The following EYS variants were observed in gnomAD, a reference collection of about 807,000 sequenced individuals.
The protein encoded by EYS is protein eyes shut homolog.
A neutral mutation model predicts 282.1 loss-of-function variants in EYS; 250 were observed. The ratio of observed to expected loss-of-function variants is 0.89; its 90% CI spans 0.80 to 0.98. EYS has a LOEUF of 0.98. Among genes scored for constraint, EYS ranks in the 50% least tolerant of loss-of-function variants. The pLI, the probability that EYS is intolerant of heterozygous loss-of-function variation, is 0.00. For synonymous variants in EYS, 1,355 were observed against 1,282.9 expected (o/e 1.06, Z -1.20); for missense variants, 4,016 against 3,709.0 (o/e 1.08, Z -2.15).
At chr6:65,427,526 T>C (rs930143473) in intron 5 of EYS, among the ~76,000 whole-genome samples, 4 of 152,058 alleles carry the variant, frequency 2.6e-5, no homozygotes, top group Admixed American at 2.0e-4. Flanking sequence ...ACACATATTT[T>C]AAAAATAAAT....
intron 31 of EYS, among the ~76,000 whole-genome samples, chr6:64,097,446 T>A (rs113100843): frequency 0.042 from 6,396 of 152,214 alleles, 398 homozygotes; most frequent in African/African-American, 0.14. Flanking sequence ...TCAAGCCTCA[T>A]CAGTTGCGGA....
chr6:63,830,495 T>G (rs1291539836), intron 36 of EYS, among the ~76,000 whole-genome samples: 1 of 151,964 alleles, frequency 6.6e-6, no homozygotes, highest in African/African-American at 2.4e-5. Flanking sequence ...ATGAATGAAA[T>G]GAAGCAAGAA....
chr6:65,585,012 C>T (rs1320960871), intron 2 of EYS, among the ~76,000 whole-genome samples: 2 of 151,506 alleles, frequency 1.3e-5, no homozygotes, highest in Non-Finnish European at 3.0e-5. Context: ...TCTGTTCATG[C>T]TTCTGCAGGA....
intron 12 of EYS, among the ~76,000 whole-genome samples, chr6:65,269,978 TAAC>T (rs953714275): frequency 1.6e-4 from 25 of 152,076 alleles, no homozygotes; most frequent in Admixed American, 5.9e-4. Flanking sequence ...ATATTCAACT[TAAC>T]AGCCCCAAAA....
intron 2 of EYS, among the ~76,000 whole-genome samples, chr6:65,617,057 G>T (rs1766226646): frequency 6.6e-6 from 1 of 152,104 alleles, no homozygotes; most frequent in Non-Finnish European, 1.5e-5. Flanking sequence ...GATTTTTATG[G>T]AAAGGGAGAA....
intron 37 of EYS, among the ~76,000 whole-genome samples, chr6:63,805,137 G>C (rs1214630603): frequency 6.6e-6 from 1 of 152,192 alleles, no homozygotes; most frequent in African/African-American, 2.4e-5. Context: ...ACAGCTGAGA[G>C]AAAGGTCTTT....
intron 2 of EYS, among the ~76,000 whole-genome samples, chr6:65,618,339 C>G (rs957531082): frequency 2.0e-5 from 3 of 152,236 alleles, no homozygotes; most frequent in African/African-American, 4.8e-5. Context: ...TTTTCGGCTG[C>G]ATGAATGTCT....
rs933702470 is a variant in EYS, at chr6:64,884,430, A to T, written c.2992+2267T>A. Among the ~76,000 whole-genome samples the T allele has an allele frequency of 3.3e-5, 5 of 151,592 alleles. No individual in the cohort carries two copies. The Admixed American group carries it at 3.3e-4, about 10-fold the overall frequency. ...CCAGATGTATGATCTTGAAAAATATACAAAAGTATAACATCCTTGTGTTTT... is the reference window on the plus strand; with the variant it reads ...CCAGATGTATGATCTTGAAAAATATTCAAAAGTATAACATCCTTGTGTTTT... On this transcript the variant is annotated intron_variant, in intron 19 of 42. Transcript: ENST00000503581.
At chr6:64,627,283 T>C (rs544835233) in intron 22 of EYS, among the ~76,000 whole-genome samples, 206 of 152,296 alleles carry the variant, frequency 1.4e-3, no homozygotes, top group African/African-American at 4.8e-3. Context: ...ATAATCAGCA[T>C]ATAGATAAAT....
At chr6:64,967,638 C>A (rs1022725168) in intron 14 of EYS, among the ~76,000 whole-genome samples, 6 of 152,046 alleles carry the variant, frequency 3.9e-5, no homozygotes, top group African/African-American at 1.4e-4. Flanking sequence ...TTCTTATCAC[C>A]CACATCATTC....
intron 22 of EYS, among the ~76,000 whole-genome samples, chr6:64,759,882 C>T (rs907855276): frequency 7.2e-5 from 11 of 152,028 alleles, no homozygotes; most frequent in African/African-American, 1.4e-4. Flanking sequence ...ATGGATAACA[C>T]CTGTATGTAT....
intron 33 of EYS, among the ~76,000 whole-genome samples, chr6:64,022,532 C>G (rs2149820612): frequency 6.6e-6 from 1 of 152,272 alleles, no homozygotes; most frequent in Non-Finnish European, 1.5e-5. Context: ...CAAAAAGAAA[C>G]TAATCTGTGA....
chr6:64,479,473 G>T (rs1277786310), intron 26 of EYS, among the ~76,000 whole-genome samples: 1 of 151,840 alleles, frequency 6.6e-6, no homozygotes, highest in Non-Finnish European at 1.5e-5. Context: ...ATCTCTTACT[G>T]TAAATGCCAA....
intron 22 of EYS, among the ~76,000 whole-genome samples, chr6:64,753,004 G>A (rs556076139): frequency 1.3e-5 from 2 of 152,076 alleles, no homozygotes; most frequent in African/African-American, 4.8e-5. Context: ...GCTAAACAAG[G>A]CTTAATACAT....
At chr6:65,479,577 C>A (rs1479624886) in intron 5 of EYS, among the ~76,000 whole-genome samples, 1 of 152,104 alleles carries the variant, frequency 6.6e-6, no homozygotes, top group African/African-American at 2.4e-5. Flanking sequence ...TCAAGCAAAT[C>A]TATGGGTAAA....
At chr6:65,113,136 C>T (rs991400153) in intron 12 of EYS, among the ~76,000 whole-genome samples, 1 of 151,962 alleles carries the variant, frequency 6.6e-6, no homozygotes, top group African/African-American at 2.4e-5. Context: ...ACATGAGGCA[C>T]TAAGTGTTAT....
rs115028465 is a variant in EYS at position 64,119,054 on chromosome 6, A to T, written c.6425-37052T>A. On this transcript the variant is annotated intron_variant, in intron 31 of 42. Coordinates refer to ENST00000503581, the MANE Select transcript of EYS (RefSeq NM_001142800.2). ...AAAAGATAAAAAATAAATACTGGTAATTATATCATGTGCATTCTGTAAATT... is the reference window on the plus strand; with the variant it reads ...AAAAGATAAAAAATAAATACTGGTATTTATATCATGTGCATTCTGTAAATT... 2.9e-3 allele frequency among the ~76,000 whole-genome samples: 438 copies of T among 152,224 alleles called. 3 individuals carry two copies. The highest frequency in any genetic ancestry group is 0.01 in the African/African-American group (419 of 41,564).
At chr6:64,098,669 C>T (rs963281913) in intron 31 of EYS, among the ~76,000 whole-genome samples, 1 of 150,272 alleles carries the variant, frequency 6.7e-6, no homozygotes, top group Non-Finnish European at 1.5e-5. Context: ...GGTGCCATCT[C>T]GGCTCACTGC....
At chr6:65,230,363 T>G (rs1766736770) in intron 12 of EYS, among the ~76,000 whole-genome samples, 1 of 86,530 alleles carries the variant, frequency 1.2e-5, no homozygotes, top group Non-Finnish European at 2.8e-5. Context: ...TTGGTCCAGG[T>G]TTAGCAACCA....
Sources: gnomAD v4.1 joint callset for allele counts (sites outside exome capture counted in the v4.1 genomes callset) on GRCh38, gnomAD v4.1.1 for gene constraint, MANE v1.5 for transcripts, NCBI Gene and HGNC (gene_info 2026-07-23, HGNC 2026-07-21) for gene names.